The following BAZ1A variants were observed in gnomAD, a reference collection of about 807,000 sequenced individuals.
BAZ1A encodes bromodomain adjacent to zinc finger domain 1A.
In BAZ1A, 50 loss-of-function variants were observed where a neutral mutation model predicts 185.2. That is an observed-to-expected ratio of 0.27 (90% confidence interval 0.22 to 0.34). The LOEUF (loss-of-function observed/expected upper bound fraction) is 0.34, where lower values mean the gene tolerates loss of function less well. Ranked by LOEUF, BAZ1A falls within the 10% of genes least tolerant of loss-of-function variation. The pLI, the probability that BAZ1A is intolerant of heterozygous loss-of-function variation, is 1.00. For synonymous variants in BAZ1A, 571 were observed against 615.6 expected, an observed-to-expected ratio of 0.93 and a Z score of 1.07; for missense variants, 1,356 against 1,839.9, an observed-to-expected ratio of 0.74 and a Z score of 4.81.
At chr14:34,854,973 G>A (rs1043095001) in intron 3 of BAZ1A, among the ~76,000 whole-genome samples, 1 of 152,264 alleles carries the variant, frequency 6.6e-6, no homozygotes, top group Non-Finnish European at 1.5e-5. Context: ...CAGCTACTCA[G>A]GAGGCTGGGG....
chr14:34,845,152 T>C (rs2042489279), intron 3 of BAZ1A: 1 of 152,188 alleles, frequency 6.6e-6, no homozygotes, highest in African/African-American at 2.4e-5. Context: ...TTTTTAATTT[T>C]AAAAGATTTT....
At chr14:34,800,527 G>A in intron 8 of BAZ1A, 137 bp from the exon 9 acceptor site, 1 of 661,020 alleles carries the variant, frequency 1.5e-6, no homozygotes, top group Non-Finnish European at 2.4e-6. Flanking sequence ...TTCCTACAGG[G>A]AGCCAGCAGA....
chr14:34,832,205 C>CATATATATATATATATAT (rs2042254187), intron 3 of BAZ1A, among the ~76,000 whole-genome samples: 2 of 70,752 alleles, frequency 2.8e-5, no homozygotes, highest in Non-Finnish European at 6.3e-5. Context: ...CACACACACA[C>CATATATATATATATATAT]ACACACACAC....
intron 21 of BAZ1A, among the ~76,000 whole-genome samples, chr14:34,767,249 G>GT (rs1878911529): frequency 6.6e-6 from 1 of 152,050 alleles, no homozygotes; most frequent in Non-Finnish European, 1.5e-5. Flanking sequence ...ATCCAAAACT[G>GT]TATCTAACGT....
intron 6 of BAZ1A, among the ~76,000 whole-genome samples, chr14:34,806,954 TCCCAGGCTGGTC>T (rs141823993): frequency 1.0e-3 from 158 of 151,260 alleles, no homozygotes; most frequent in African/African-American, 3.7e-3. Context: ...TTGCCATGTT[TCCCAGGCTGGTC>T]TCCAGGCTGG....
intron 16 of BAZ1A, among the ~76,000 whole-genome samples, chr14:34,781,854 G>C (rs7150864): frequency 6.6e-6 from 1 of 152,200 alleles, no homozygotes; most frequent in Non-Finnish European, 1.5e-5. Context: ...GCCTGTATTA[G>C]AACTCCATTC....
intron 25 of BAZ1A, among the ~76,000 whole-genome samples, chr14:34,755,664 CATG>C (rs1372792434): frequency 2.6e-5 from 4 of 152,108 alleles, no homozygotes; most frequent in African/African-American, 9.7e-5. Flanking sequence ...TCTGTAATAC[CATG>C]ATAACTTCTA....
intron 17 of BAZ1A, among the ~76,000 whole-genome samples, chr14:34,776,866 GC>G (rs1420642444): frequency 6.6e-6 from 1 of 152,136 alleles, no homozygotes; most frequent in Non-Finnish European, 1.5e-5. Flanking sequence ...CACCAACCCT[GC>G]TTGATCTTGG....
chr14:34,776,048 C>A lies in BAZ1A; in HGVS notation c.2704G>T (p.Asp902Tyr). ...WCFYSSCEQL[D>Y]QLIEALNSRG... ...GAATTAAGAGCTTCAATAAGCTGGT[C>A]TAGCTGTTCACAAGAACTGTAAAAG... The change falls in exon 18 of 27, where the codon GAC becomes TAC. Residue 902 changes from aspartate (D) to tyrosine (Y), a missense_variant. Asp to Tyr is a radical substitution (Grantham distance 160). Around this residue, in one of 7 missense-constraint regions of BAZ1A, gnomAD observed 434 missense variants for 561.7 expected, o/e 0.77. Coordinates refer to ENST00000360310, the MANE Select transcript of BAZ1A (RefSeq NM_013448.3). The A allele has an allele frequency of 1.2e-6, 2 of 1,614,124 alleles. No homozygotes were observed. The highest frequency in any genetic ancestry group is 2.2e-5 in the South Asian group (2 of 91,066).
chr14:34,792,039 C>G (rs778902061), intron 12 of BAZ1A, among the ~76,000 whole-genome samples: 2 of 152,130 alleles, frequency 1.3e-5, no homozygotes, highest in Non-Finnish European at 2.9e-5. Context: ...ACTGTCAGAT[C>G]TAAAATGAAA....
intron 3 of BAZ1A, among the ~76,000 whole-genome samples, chr14:34,842,420 AC>A (rs1229776785): frequency 1.3e-5 from 2 of 152,162 alleles, no homozygotes; most frequent in African/African-American, 4.8e-5. Context: ...TAATGAAGAT[AC>A]CCTTTGATTA....
intron 4 of BAZ1A, 112 bp from the exon 5 acceptor site, chr14:34,811,148 T>C (rs969843814): frequency 1.3e-6 from 1 of 764,554 alleles, no homozygotes; most frequent in African/African-American, 1.8e-5. Flanking sequence ...ATTTCAAAAT[T>C]TTTTTTTGTT....
At chr14:34,847,389 A>T (rs2042531803) in intron 3 of BAZ1A, among the ~76,000 whole-genome samples, 1 of 152,194 alleles carries the variant, frequency 6.6e-6, no homozygotes, top group African/African-American at 2.4e-5. Context: ...TGAGAAAAAA[A>T]AAAGGTAGTG....
chr14:34,825,893 G>T, intron 4 of BAZ1A, 120 bp downstream of exon 4: 1 of 975,834 alleles, frequency 1.0e-6, no homozygotes, highest in Non-Finnish European at 1.4e-6. Context: ...AGCTGAGATC[G>T]AGCCACTGTA....
chr14:34,851,776 TA>T (rs111955378), intron 3 of BAZ1A, among the ~76,000 whole-genome samples: 13 of 147,882 alleles, frequency 8.8e-5, no homozygotes, highest in African/African-American at 9.9e-5. Context: ...CATAGTGAAG[TA>T]AAAAAAAAAG....
chr14:34,867,287 T>A (rs1012517458), intron 2 of BAZ1A, among the ~76,000 whole-genome samples: 2 of 152,074 alleles, frequency 1.3e-5, no homozygotes, highest in African/African-American at 4.8e-5. Flanking sequence ...AAAAATCCAA[T>A]GTATATTTTA....
chr14:34,821,230 G>A (rs2042084555), intron 4 of BAZ1A, among the ~76,000 whole-genome samples: 1 of 152,042 alleles, frequency 6.6e-6, no homozygotes, highest in South Asian at 2.1e-4. Context: ...TGTGATGCTG[G>A]GCAAATTTCC....
chr14:34,824,425 A>G (rs1004878662), intron 4 of BAZ1A, among the ~76,000 whole-genome samples: 13 of 149,568 alleles, frequency 8.7e-5, no homozygotes, highest in East Asian at 3.9e-4. Context: ...AAAAAAAAAA[A>G]AAGAAGAGAT....
At chr14:34,793,573 C>T (rs1036779589) in intron 11 of BAZ1A, among the ~76,000 whole-genome samples, 1 of 152,140 alleles carries the variant, frequency 6.6e-6, no homozygotes, top group African/African-American at 2.4e-5. Flanking sequence ...CTTTGCGAGG[C>T]CAAGGTGGGT....
Sources: gnomAD v4.1 joint callset for allele counts (sites outside exome capture counted in the v4.1 genomes callset) on GRCh38, gnomAD v4.1.1 for gene constraint, gnomAD v4.1.1 regional missense constraint, MANE v1.5 for transcripts, NCBI Gene and HGNC (gene_info 2026-07-23, HGNC 2026-07-21) for gene names.